Variants in ELP1 observed in about 807,000 individuals in gnomAD.
ELP1 encodes elongator complex protein 1.
A neutral mutation model predicts 183.2 loss-of-function variants in ELP1; 131 were observed. That is an observed-to-expected ratio of 0.72 (90% CI 0.62 to 0.83). The LOEUF (loss-of-function observed/expected upper bound fraction) is 0.83. Among genes scored for constraint, ELP1 ranks in the 40% least tolerant of loss-of-function variants. The pLI is 0.00. For missense variants in ELP1, 1,550 were observed against 1,594.9 expected, an observed-to-expected ratio of 0.97 and a Z score of 0.48; for synonymous variants, 555 against 569.0, an observed-to-expected ratio of 0.98 and a Z score of 0.35.
In ELP1 at chr9:108,926,542, A is replaced by G. The variant is rs775602185; in HGVS notation, c.447T>C (p.His149=). 1.2e-5 allele frequency: 19 copies of G among 1,612,894 alleles called. 1 individual carries two copies. Among genetic ancestry groups the G allele is most frequent in the Admixed American group, 6.7e-5 (4 of 59,974 alleles). ...ACTTACTTTCACCAAAATCATCCTG[A>G]TGGATCTGCTGCTCCAGGATTGGCT... ...DFEPILEQQI[H]QDDFGESKFI... The change falls in exon 5 of 37, where the codon CAT becomes CAC. Residue 149 remains histidine (H), a synonymous_variant. Transcript: ENST00000374647.
In ELP1 at chr9:108,899,867, T is replaced by C; in HGVS notation, c.2159A>G (p.His720Arg). 1 of 1,614,162 alleles carries C rather than the reference T, an allele frequency of 6.2e-7. No homozygotes were observed. Among genetic ancestry groups the C allele is most frequent in the Non-Finnish European group, 8.5e-7 (1 of 1,179,990 alleles). The stretch of plus-strand genomic sequence containing the variant: ...CTGAGCTAAAACCAGGGCTCGATGA[T>C]GAACAACTTCTAAGTTTCCCCTTGG... ...QMPRGNLEVV[H>R]HRALVLAQIR... is the part of the protein sequence containing the mutation. Residue 720 changes from histidine to arginine, a missense_variant, in exon 20 of 37, where the codon CAT becomes CGT. By Grantham distance (29) the His-to-Arg change is conservative (BLOSUM62 0). Coordinates refer to ENST00000374647, the MANE Select transcript of ELP1 (RefSeq NM_003640.5).
intron 9 of ELP1, 60 bp downstream of exon 9, chr9:108,917,487 T>G (rs1281028179): frequency 6.8e-7 from 1 of 1,462,688 alleles, no homozygotes; most frequent in Non-Finnish European, 9.4e-7. Context: ...AAAAAAAAAT[T>G]CCCTCTATAG....
At chr9:108,922,948 C>A (rs775368979) in intron 5 of ELP1, 21 bp from the exon 6 acceptor site, 1 of 1,545,510 alleles carries the variant, frequency 6.5e-7, no homozygotes, top group Non-Finnish European at 8.9e-7. Context: ...ATTGGCAAGA[C>A]AACTAATAAG....
At chr9:108,892,847 A>G (rs1828396077) in intron 27 of ELP1, 139 bp downstream of exon 27, 1 of 711,770 alleles carries the variant, frequency 1.4e-6, no homozygotes, top group Non-Finnish European at 2.6e-6. Flanking sequence ...TCTCCCAGAT[A>G]AGAAGTTCAA....
chr9:108,888,851 T>C (rs1008176950), intron 29 of ELP1, among the ~76,000 whole-genome samples: 2 of 152,192 alleles, frequency 1.3e-5, no homozygotes, highest in African/African-American at 4.8e-5. Context: ...AGTTTTATTA[T>C]TTTCATAATA....
At chr9:108,915,380 T>C (rs767287603) in intron 10 of ELP1, among the ~76,000 whole-genome samples, 247 of 152,332 alleles carry the variant, frequency 1.6e-3, no homozygotes, top group Non-Finnish European at 3.0e-3. Context: ...AAGCAGATTA[T>C]TCCCCATAAT....
At chr9:108,871,515 G>A (rs187169340) in intron 36 of ELP1, among the ~76,000 whole-genome samples, 2 of 152,306 alleles carry the variant, frequency 1.3e-5, no homozygotes, top group Non-Finnish European at 2.9e-5. Context: ...CCTGGCAGCT[G>A]GTGTTAATCT....
At position 108,922,915 on chromosome 9, in the gene ELP1, G is replaced by C. The variant is rs1829700540; in HGVS notation, c.479C>G (p.Thr160Ser). The C allele has an allele frequency of 1.2e-6, 2 of 1,613,398 alleles. No homozygotes were observed. Among genetic ancestry groups the C allele is most frequent in the African/African-American group, 1.3e-5 (1 of 74,888 alleles). The change falls in exon 6 of 37, where the codon ACT (threonine) becomes AGT (serine). Residue 160 changes from threonine to serine, a missense_variant. By Grantham distance (58) the Thr-to-Ser change is moderately conservative (BLOSUM62 1). Transcript: ENST00000374647. ...QDDFGESKFI[T>S]VGWGRKETQF... ...TGTCTCCTTCCTACCCCATCCAACA[G>C]TGATAAACTTGCCTACAGAACAATT...
intron 25 of ELP1, among the ~76,000 whole-genome samples, chr9:108,896,236 G>A (rs1287762219): frequency 2.6e-5 from 4 of 152,048 alleles, no homozygotes; most frequent in East Asian, 1.9e-4. Context: ...CAGCCTGGGC[G>A]ACTGAGTGAG....
At chr9:108,906,999 A>G (rs1829046875) in intron 13 of ELP1, among the ~76,000 whole-genome samples, 2 of 152,312 alleles carry the variant, frequency 1.3e-5, no homozygotes, top group South Asian at 4.1e-4. Flanking sequence ...GGAACCGACA[A>G]TGGCTACTTC....
At chr9:108,900,734 T>C (rs966394591) in intron 18 of ELP1, among the ~76,000 whole-genome samples, 1 of 152,044 alleles carries the variant, frequency 6.6e-6, no homozygotes, top group African/African-American at 2.4e-5. Context: ...AGAAAATAAG[T>C]TGGCTTTTTA....
intron 11 of ELP1, 149 bp from the exon 12 acceptor site, chr9:108,911,329 G>T: frequency 1.2e-6 from 1 of 810,242 alleles, no homozygotes; most frequent in Non-Finnish European, 2.0e-6. Context: ...TCTAAAAACA[G>T]TGTGGGATGG....
rs555376807 is a variant in ELP1 at position 108,875,581 on chromosome 9, C to T, written c.3856-611G>A. On this transcript the variant is annotated intron_variant, in intron 35 of 36. Coordinates refer to ENST00000374647, the MANE Select transcript of ELP1 (RefSeq NM_003640.5). ...AACCATACTTCACCAATCAAAACCA[C>T]AATCATAAAATTGATGTCTTAGAAC... The T allele has an allele frequency of 1.6e-4, 48 of 300,310 alleles. 1 individual carries two copies. The highest frequency in any genetic ancestry group is 1.3e-3 in the South Asian group (45 of 35,682). 18.6% of individuals were successfully genotyped at this position (300,310 alleles called of 1,614,324 possible).
chr9:108,914,809 T>C (rs1166564562), intron 10 of ELP1, among the ~76,000 whole-genome samples: 3 of 152,092 alleles, frequency 2.0e-5, no homozygotes, highest in South Asian at 4.1e-4. Context: ...GTATTTTTAG[T>C]AGAGATGGGG....
chr9:108,925,492 G>T (rs1829797144), intron 5 of ELP1, among the ~76,000 whole-genome samples: 1 of 152,020 alleles, frequency 6.6e-6, no homozygotes, highest in Non-Finnish European at 1.5e-5. Context: ...CAATTCAGCT[G>T]ACTACTCCAA....
chr9:108,891,532 T>C, intron 27 of ELP1, 128 bp from the exon 28 acceptor site: 1 of 831,662 alleles, frequency 1.2e-6, no homozygotes, highest in Middle Eastern at 3.4e-4. Context: ...AATCTTACAG[T>C]TGATCAGTTA....
rs199738099 is a variant in ELP1, at chr9:108,931,163, C to T, written c.-17G>A. On this transcript the variant is annotated 5_prime_UTR_variant, in exon 2 of 37. The change creates a new upstream start codon in the 5' untranslated region. Transcript: ENST00000374647. ...ATTTCGCATGATGAAGTGATTCCCACGAGACAAGTACAACTATCCCTTGAT... is the reference window on the plus strand; with the variant it reads ...ATTTCGCATGATGAAGTGATTCCCATGAGACAAGTACAACTATCCCTTGAT... 127 of 1,612,502 alleles carry T rather than the reference C, an allele frequency of 7.9e-5. 1 individual carries two copies. The highest frequency in any genetic ancestry group is 2.2e-4 in the East Asian group (10 of 44,872).
intron 7 of ELP1, 103 bp downstream of exon 7, chr9:108,919,150 T>C (rs1230560278): frequency 6.2e-6 from 5 of 811,164 alleles, no homozygotes; most frequent in African/African-American, 5.1e-5. Flanking sequence ...TTGCCTCATA[T>C]GTATAATTAA....
intron 16 of ELP1, 85 bp from the exon 17 acceptor site, chr9:108,901,766 C>A: frequency 7.7e-7 from 1 of 1,293,368 alleles, no homozygotes; most frequent in South Asian, 1.2e-5. Flanking sequence ...TTCTACCACC[C>A]TATGATTTCA....
Sources: gnomAD v4.1 joint callset for allele counts (sites outside exome capture counted in the v4.1 genomes callset) on GRCh38, gnomAD v4.1.1 for gene constraint, MANE v1.5 for transcripts, NCBI Gene and HGNC (gene_info 2026-07-23, HGNC 2026-07-21) for gene names.